SORBS2: variants seen among roughly 807,000 people sequenced by gnomAD.
SORBS2 encodes sorbin and SH3 domain containing 2.
A neutral mutation model predicts 97.7 loss-of-function variants in SORBS2; 46 were observed. The observed-to-expected ratio is 0.47, with a 90% CI of 0.37 to 0.60. The LOEUF (loss-of-function observed/expected upper bound fraction) is 0.60. SORBS2 is among the 20% of genes least tolerant of loss of function. SORBS2 has a pLI of 0.00. For missense variants in SORBS2, 1,316 were observed against 1,282.3 expected, an observed-to-expected ratio of 1.03 and a Z score of -0.40; for synonymous variants, 476 against 473.4, an observed-to-expected ratio of 1.01 and a Z score of -0.07.
intron 1 of SORBS2, among the ~76,000 whole-genome samples, chr4:185,798,711 C>G (rs1479680229): frequency 1.3e-5 from 2 of 152,188 alleles, no homozygotes; most frequent in African/African-American, 4.8e-5. Flanking sequence ...AACCATCAGT[C>G]CATATCTTGA....
chr4:185,611,637 C>G, intron 12 of SORBS2, 143 bp downstream of exon 24: 2 of 591,516 alleles, frequency 3.4e-6, no homozygotes, highest in Non-Finnish European at 5.9e-6. Context: ...ACTGATGTGG[C>G]ACTCACACAT....
chr4:185,716,657 A>G (rs182190883), intron 2 of SORBS2, among the ~76,000 whole-genome samples: 4 of 152,054 alleles, frequency 2.6e-5, no homozygotes, highest in Non-Finnish European at 5.9e-5. Context: ...CTGGGCTCAC[A>G]TTTGCTTCTT....
chr4:185,744,943 T>C (rs1405273956), intron 2 of SORBS2, among the ~76,000 whole-genome samples: 1 of 152,204 alleles, frequency 6.6e-6, no homozygotes, highest in Non-Finnish European at 1.5e-5. Flanking sequence ...GAGAGAGTCA[T>C]ATTGAAGTCG....
chr4:185,710,583 G>T (rs545034124), intron 2 of SORBS2, among the ~76,000 whole-genome samples: 1 of 152,286 alleles, frequency 6.6e-6, no homozygotes, highest in African/African-American at 2.4e-5. Flanking sequence ...TTTCCTACAT[G>T]CTGACTGTTT....
intron 1 of SORBS2, among the ~76,000 whole-genome samples, chr4:185,950,964 A>T (rs1225635208): frequency 6.6e-6 from 1 of 152,174 alleles, no homozygotes; most frequent in Admixed American, 6.5e-5. Context: ...GGTAGGAAAA[A>T]TACCGATAGA....
At chr4:185,643,733 G>A (rs535469271) in intron 4 of SORBS2, among the ~76,000 whole-genome samples, 46 of 152,228 alleles carry the variant, frequency 3.0e-4, no homozygotes, top group African/African-American at 1.1e-3. Context: ...ATTCAAAAGA[G>A]CAACACAGAA....
chr4:185,607,324 G>A lies in SORBS2; in HGVS notation c.2796+4456C>T. The A allele has an allele frequency of 1.6e-6, 2 of 1,286,810 alleles. No homozygotes were observed. The highest frequency in any genetic ancestry group is 2.0e-6 in the Non-Finnish European group (2 of 987,408). The allele number at this position is 1,286,810 out of a possible 1,614,324, so 79.7% of individuals were successfully genotyped here. ...GCCAGGTGAGACTTTGTGGGTGGGAGGAGGGGCTGGTTCACTGGAAGCCAA... is the reference window on the plus strand; with the variant it reads ...GCCAGGTGAGACTTTGTGGGTGGGAAGAGGGGCTGGTTCACTGGAAGCCAA... On this transcript the variant is annotated intron_variant, in intron 12 of 14. Coordinates refer to ENST00000418609, the Ensembl canonical transcript of SORBS2. This position sits in a 1 kb window ranked among gnomAD's most constrained non-coding sequence, Gnocchi z 5.2.
In SORBS2 at chr4:185,666,269, C is replaced by A. The variant is rs547222273; in HGVS notation, c.-45-4027G>T. The stretch of plus-strand genomic sequence containing the variant: ...CAATTAACAAAAGTACCTCTTTTTG[C>A]GATGTGGCAGAGAAGGCAAAGCATC... On this transcript the variant is annotated intron_variant, in intron 4 of 20. Transcript: ENST00000284776. 7 of 873,552 alleles carry A rather than the reference C, an allele frequency of 8.0e-6. No homozygotes were observed. The African/African-American group carries it at 1.2e-4, about 15-fold the overall frequency. 54.1% of individuals were successfully genotyped at this position (873,552 alleles called of 1,614,324 possible).
chr4:185,944,853 T>G (rs1234308922), intron 1 of SORBS2, among the ~76,000 whole-genome samples: 2 of 152,160 alleles, frequency 1.3e-5, no homozygotes, highest in Non-Finnish European at 2.9e-5. Context: ...CACAGGTAAG[T>G]GCAAGATTAG....
At chr4:185,912,881 C>T (rs1450782084) in intron 1 of SORBS2, among the ~76,000 whole-genome samples, 2 of 152,122 alleles carry the variant, frequency 1.3e-5, no homozygotes, top group South Asian at 2.1e-4. Context: ...CTCACCTTCC[C>T]GTTTCGAATG....
rs2096747104 is a variant in SORBS2 at position 185,623,225 on chromosome 4, A to T, written c.1904T>A (p.Leu635Gln). The change falls in exon 7 of 15, where the codon CTG (leucine) becomes CAG (glutamine). Residue 635 changes from leucine to glutamine, a missense_variant. Physicochemically the swap from Leu to Gln is moderately radical, Grantham distance 113. Coordinates refer to ENST00000418609, the Ensembl canonical transcript of SORBS2. The surrounding 1 kb of genome is among the most constrained non-coding windows in gnomAD (Gnocchi z 6.4). ...ACAGATGTCTTTAAGGGCAGAGTCCAGAGCCTCAAACACAGATGCTTTACA... is the reference window on the plus strand; with the variant it reads ...ACAGATGTCTTTAAGGGCAGAGTCCTGAGCCTCAAACACAGATGCTTTACA... 6.8e-6 allele frequency: 11 copies of T among 1,614,170 alleles called. No homozygotes were observed. Among genetic ancestry groups the T allele is most frequent in the Non-Finnish European group, 9.3e-6 (11 of 1,180,034 alleles).
chr4:185,702,395 C>T (rs2098276552), intron 2 of SORBS2, among the ~76,000 whole-genome samples: 1 of 152,090 alleles, frequency 6.6e-6, no homozygotes, highest in Non-Finnish European at 1.5e-5. Flanking sequence ...CAAGGGAGCT[C>T]CCCCAGGAAT....
chr4:185,609,143 G>A (rs1302024879), intron 12 of SORBS2, among the ~76,000 whole-genome samples: 1 of 152,102 alleles, frequency 6.6e-6, no homozygotes, highest in Non-Finnish European at 1.5e-5. Flanking sequence ...TAGGTAGACA[G>A]CCACTCCTGT....
intron 1 of SORBS2, among the ~76,000 whole-genome samples, chr4:185,860,999 G>C (rs911872129): frequency 9.2e-5 from 14 of 152,196 alleles, no homozygotes; most frequent in African/African-American, 3.4e-4. Context: ...GTAGAATGCA[G>C]ACTTTCCCCA....
intron 2 of SORBS2, among the ~76,000 whole-genome samples, chr4:185,650,139 G>A (rs2097287780): frequency 1.3e-5 from 2 of 152,228 alleles, no homozygotes; most frequent in South Asian, 4.1e-4. Flanking sequence ...TTTATAAAGT[G>A]CTGTGCAAGG....
chr4:185,640,114 TACAG>T (rs1468379162), intron 4 of SORBS2, among the ~76,000 whole-genome samples: 1 of 152,150 alleles, frequency 6.6e-6, no homozygotes, highest in African/African-American at 2.4e-5. Flanking sequence ...TAGGAGTAAT[TACAG>T]ACAATGATAG....
intron 4 of SORBS2, among the ~76,000 whole-genome samples, chr4:185,631,066 A>G (rs540085849): frequency 1.3e-5 from 2 of 152,336 alleles, no homozygotes; most frequent in African/African-American, 4.8e-5. Flanking sequence ...GTTACCAAGT[A>G]TTGTCTTCAG....
intron 2 of SORBS2, among the ~76,000 whole-genome samples, chr4:185,724,306 T>C (rs1294433811): frequency 1.4e-5 from 2 of 143,836 alleles, no homozygotes; most frequent in African/African-American, 5.2e-5. Context: ...ATTGAATACT[T>C]GGGATATTCC....
In SORBS2 at chr4:185,712,172, C is replaced by T. The variant is rs149251241; in HGVS notation, c.-197-33350G>A. On this transcript the variant is annotated intron_variant, in intron 2 of 20. Coordinates refer to the SORBS2 transcript ENST00000284776. Reference sequence around the variant, plus strand: ...CTAAAATGTTGCCTTTCCTAAACTACCTATAACCATGCCCCACCCCATCCT... The same window carrying T: ...CTAAAATGTTGCCTTTCCTAAACTATCTATAACCATGCCCCACCCCATCCT... Among the ~76,000 whole-genome samples the T allele has an allele frequency of 2.4e-4, 37 of 152,246 alleles. No individual in the cohort carries two copies. In the East Asian group the frequency reaches 6.2e-3, roughly 25 times the overall value.
Sources: gnomAD v4.1 joint callset for allele counts (sites outside exome capture counted in the v4.1 genomes callset) on GRCh38, gnomAD v4.1.1 for gene constraint, Gnocchi (gnomAD v3.1) non-coding constraint, MANE v1.5 for transcripts, NCBI Gene and HGNC (gene_info 2026-07-23, HGNC 2026-07-21) for gene names.